TSPAN15: variants seen among roughly 807,000 people sequenced by gnomAD.
The protein encoded by TSPAN15 is tetraspanin-15.
TSPAN15 carries 20 observed loss-of-function variants against 34.5 expected under a neutral mutation model. The ratio of observed to expected loss-of-function variants is 0.58; its 90% CI spans 0.41 to 0.84. The LOEUF is 0.84. TSPAN15 is among the 40% of genes least tolerant of loss of function. The pLI, the probability that TSPAN15 is intolerant of heterozygous loss-of-function variation, is 0.00. For synonymous variants in TSPAN15, 155 were observed against 153.9 expected (o/e 1.01, Z -0.05); for missense variants, 313 against 386.1 (o/e 0.81, Z 1.59).
chr10:69,489,106 C>T (rs1259322022), intron 3 of TSPAN15, among the ~76,000 whole-genome samples: 4 of 152,126 alleles, frequency 2.6e-5, no homozygotes, highest in Non-Finnish European at 4.4e-5. Flanking sequence ...TTATAGACCT[C>T]CCCCTAGGAA....
intron 1 of TSPAN15, among the ~76,000 whole-genome samples, chr10:69,467,905 A>C (rs896277992): frequency 6.6e-6 from 1 of 152,130 alleles, no homozygotes; most frequent in Non-Finnish European, 1.5e-5. Flanking sequence ...GTCCCAGTGC[A>C]TCTGAAACTT....
downstream of TSPAN15, among the ~76,000 whole-genome samples, chr10:69,510,607 C>G (rs10823398): frequency 6.6e-5 from 10 of 152,086 alleles, no homozygotes; most frequent in Admixed American, 5.9e-4. Context: ...AACTTCTAAC[C>G]CTATGTTGAA....
chr10:69,524,338 C>T, the TSPAN15 span, among the ~76,000 whole-genome samples: 4 of 147,350 alleles, frequency 2.7e-5, no homozygotes, highest in South Asian at 8.6e-4. Context: ...CATGGTGGTG[C>T]GCCTGTAATC....
rs564620272 is a variant in TSPAN15 at position 69,477,298 on chromosome 10, C to A, written c.97-6393C>A. Among the ~76,000 whole-genome samples, 227 of 152,206 alleles carry A rather than the reference C, an allele frequency of 1.5e-3. 1 individual carries two copies. The highest frequency in any genetic ancestry group is 5.2e-3 in the African/African-American group (216 of 41,548). On this transcript the variant is annotated intron_variant, in intron 1 of 7. Transcript: ENST00000373290. The stretch of plus-strand genomic sequence containing the variant: ...TACAGGTGCACGCCACCACACCCAG[C>A]TAATTTTTGTATATTTAGTAGAGTT...
At chr10:69,519,447 T>C in the TSPAN15 span, among the ~76,000 whole-genome samples, 1,952 of 152,186 alleles carry the variant, frequency 0.013, 54 homozygotes, top group African/African-American at 0.045. Context: ...TGCTTATGGA[T>C]GTCTATAAGA....
chr10:69,480,818 T>C (rs7917677), intron 1 of TSPAN15, among the ~76,000 whole-genome samples: 67,994 of 151,966 alleles, frequency 0.45, 15,669 homozygotes, highest in African/African-American at 0.5. Flanking sequence ...CTGCCTCAGC[T>C]TCCCAAGTAG....
the TSPAN15 span, among the ~76,000 whole-genome samples, chr10:69,542,239 A>G: frequency 3.3e-5 from 5 of 152,124 alleles, no homozygotes. Flanking sequence ...CAAGTTCCTC[A>G]TCTCCATCTG....
In TSPAN15 at chr10:69,504,476, C is replaced by T. The variant is rs1404613093; in HGVS notation, c.609C>T (p.Ile203=). The stretch of plus-strand genomic sequence containing the variant: ...ACACCATGTGTGGCTACAAAACTAT[C>T]GACAAGGAGGTAATGTCTTTGAAAT... ...VVNTMCGYKT[I]DKERFSVQDV... Residue 203 remains isoleucine (I), a synonymous_variant, in exon 6 of 8, where the codon ATC becomes ATT. Transcript: ENST00000373290. 14 of 1,613,912 alleles carry T rather than the reference C, an allele frequency of 8.7e-6. No individual in the cohort carries two copies. Among genetic ancestry groups the T allele is most frequent in the East Asian group, 2.2e-5 (1 of 44,894 alleles).
intron 1 of TSPAN15, among the ~76,000 whole-genome samples, chr10:69,460,285 G>A (rs925774284): frequency 1.5e-4 from 23 of 152,082 alleles, no homozygotes; most frequent in Non-Finnish European, 1.0e-4. Context: ...ACAGGCACGC[G>A]GGGCCAGGCA....
At chr10:69,492,485 AT>A (rs1841990178) in intron 3 of TSPAN15, among the ~76,000 whole-genome samples, 2 of 152,246 alleles carry the variant, frequency 1.3e-5, no homozygotes, top group African/African-American at 4.8e-5. Flanking sequence ...GAGCTCCCTG[AT>A]GGGGGTTGGG....
At chr10:69,482,975 TTTG>T (rs965296687) in intron 1 of TSPAN15, among the ~76,000 whole-genome samples, 85 of 143,920 alleles carry the variant, frequency 5.9e-4, no homozygotes, top group Admixed American at 1.2e-3. Flanking sequence ...ATTTTTTTTT[TTTG>T]TTGTTGTTGT....
chr10:69,483,980 C>A, intron 2 of TSPAN15, 104 bp downstream of exon 2: 2 of 1,288,172 alleles, frequency 1.6e-6, no homozygotes, highest in Non-Finnish European at 2.1e-6. Context: ...TGCCTCAAAC[C>A]ACCTCCTTTA....
intron 1 of TSPAN15, among the ~76,000 whole-genome samples, chr10:69,455,626 C>G (rs867622773): frequency 2.2e-5 from 1 of 45,104 alleles, no homozygotes. Context: ...CTCTCTCTCT[C>G]CCCCCCCCGT....
chr10:69,539,102 G>A, the TSPAN15 span, among the ~76,000 whole-genome samples: 4 of 152,152 alleles, frequency 2.6e-5, no homozygotes, highest in African/African-American at 9.7e-5. Context: ...GAGAGCAGTT[G>A]ATAGAGTAGG....
the TSPAN15 span, among the ~76,000 whole-genome samples, chr10:69,538,598 G>A: frequency 3.9e-5 from 6 of 152,232 alleles, no homozygotes; most frequent in Non-Finnish European, 8.8e-5. Flanking sequence ...GATAATCCAC[G>A]TAAAGTGCAT....
the TSPAN15 span, among the ~76,000 whole-genome samples, chr10:69,543,299 G>A: frequency 6.6e-6 from 1 of 152,188 alleles, no homozygotes; most frequent in South Asian, 2.1e-4. Flanking sequence ...GCCCTTTGCA[G>A]TCTATCTCGG....
the TSPAN15 span, among the ~76,000 whole-genome samples, chr10:69,547,437 AG>A: frequency 1.3e-5 from 2 of 152,212 alleles, no homozygotes; most frequent in Non-Finnish European, 2.9e-5. Context: ...TGCACTCTGG[AG>A]GATGAAGTCT....
chr10:69,491,003 C>T (rs1326579308), intron 3 of TSPAN15, among the ~76,000 whole-genome samples: 1 of 152,196 alleles, frequency 6.6e-6, no homozygotes, highest in African/African-American at 2.4e-5. Context: ...TGGCCAGACT[C>T]CCCCACGGGT....
At chr10:69,458,957 C>T (rs1841177460) in intron 1 of TSPAN15, among the ~76,000 whole-genome samples, 1 of 152,068 alleles carries the variant, frequency 6.6e-6, no homozygotes, top group East Asian at 1.9e-4. Context: ...TCCCAGGTGA[C>T]TCACAGTGCC....
Sources: allele counts gnomAD v4.1 joint callset (sites outside exome capture counted in the v4.1 genomes callset), GRCh38; gene constraint gnomAD v4.1.1; transcripts MANE v1.5; gene names NCBI Gene and HGNC (gene_info 2026-07-23, HGNC 2026-07-21).